RIC3: variants seen among roughly 807,000 people sequenced by gnomAD.
RIC3 encodes the protein protein RIC-3.
RIC3 carries 28 observed loss-of-function variants against 27.3 expected under a neutral mutation model. The ratio of observed to expected loss-of-function variants is 1.02; its 90% confidence interval spans 0.76 to 1.41. The LOEUF is 1.41. Among genes scored for constraint, RIC3 ranks in the 40% most tolerant of loss-of-function variants. The probability of loss-of-function intolerance (pLI) is 0.00; values close to 1 mark genes in which losing one functional copy is unlikely to be tolerated. For missense variants in RIC3, 501 were observed against 444.7 expected, an observed-to-expected ratio of 1.13 and a Z score of -1.14; for synonymous variants, 184 against 160.4, an observed-to-expected ratio of 1.15 and a Z score of -1.11.
chr11:8,119,142 C>A (rs761518547), intron 5 of RIC3, among the ~76,000 whole-genome samples: 7 of 152,126 alleles, frequency 4.6e-5, no homozygotes, highest in Non-Finnish European at 1.0e-4. Context: ...CTGAAGAAAG[C>A]CTTGAGTCTT....
At chr11:8,137,337 T>C (rs777297609) in intron 4 of RIC3, 41 bp downstream of exon 4, 1 of 1,573,522 alleles carries the variant, frequency 6.4e-7, no homozygotes, top group Admixed American at 1.7e-5. Context: ...ATTTATTTTC[T>C]AAATGAGAAA....
chr11:8,115,156 A>G (rs1945706025), intron 5 of RIC3, among the ~76,000 whole-genome samples: 1 of 152,170 alleles, frequency 6.6e-6, no homozygotes, highest in African/African-American at 2.4e-5. Flanking sequence ...TAATCAAACT[A>G]TCAAAAATCA....
At chr11:8,148,697 CAAGAA>C (rs1949951761) in intron 1 of RIC3, among the ~76,000 whole-genome samples, 1 of 151,986 alleles carries the variant, frequency 6.6e-6, no homozygotes, top group African/African-American at 2.4e-5. Context: ...CTGCCATATG[CAAGAA>C]AAGAAGAGAG....
intron 4 of RIC3, among the ~76,000 whole-genome samples, chr11:8,131,162 A>G (rs1947654808): frequency 6.6e-6 from 1 of 151,990 alleles, no homozygotes; most frequent in African/African-American, 2.4e-5. Flanking sequence ...TTCATCTAAC[A>G]CTTTTTTGGA....
At chr11:8,151,674 G>A (rs1170308825) in intron 1 of RIC3, among the ~76,000 whole-genome samples, 2 of 151,550 alleles carry the variant, frequency 1.3e-5, no homozygotes, top group African/African-American at 2.4e-5. Context: ...ATCACTTTGG[G>A]AGGCTGAGGT....
chr11:8,168,975 T>C lies in RIC3; in HGVS notation c.15A>G (p.Thr5=), dbSNP rs977572469. 1.6e-5 allele frequency: 26 copies of C among 1,599,434 alleles called. No homozygotes were observed. The highest frequency in any genetic ancestry group is 2.0e-5 in the Non-Finnish European group (24 of 1,174,054). The part of the protein sequence containing the change: MAYS[T]VQRVALASGL... ...CAGAAGCCAGAGCGACTCTCTGCAC[T>C]GTGGAGTACGCCATGACTGCTCACG... Residue 5 remains threonine (T), a synonymous_variant, in exon 1 of 6, where the codon ACA becomes ACG. Coordinates refer to ENST00000309737, the MANE Select transcript of RIC3 (RefSeq NM_001206671.4).
At chr11:8,097,848 G>A in the RIC3 span, 8 of 1,600,736 alleles carry the variant, frequency 5.0e-6, no homozygotes, top group African/African-American at 9.4e-5. Flanking sequence ...CCCCCAGGAA[G>A]CAGGCGGGAG....
At chr11:8,138,490 T>TAAA (rs1948662938) in intron 2 of RIC3, 143 bp from the exon 3 acceptor site, 3 of 413,866 alleles carry the variant, frequency 7.2e-6, no homozygotes, top group Non-Finnish European at 8.4e-6. Flanking sequence ...GAGAAATAGC[T>TAAA]CAAAAAAAAA....
intron 1 of RIC3, among the ~76,000 whole-genome samples, chr11:8,165,783 T>G (rs1180547014): frequency 9.5e-6 from 1 of 105,340 alleles, no homozygotes; most frequent in East Asian, 2.8e-4. Flanking sequence ...TTTTGTTTTG[T>G]TTTGTTTTTT....
At chr11:8,140,702 A>G (rs980116729) in intron 1 of RIC3, among the ~76,000 whole-genome samples, 4 of 152,170 alleles carry the variant, frequency 2.6e-5, no homozygotes, top group African/African-American at 9.7e-5. Flanking sequence ...AGTCATCTGG[A>G]CCTGTCTGTA....
At chr11:8,128,751 T>A (rs1470464996) in intron 4 of RIC3, among the ~76,000 whole-genome samples, 2 of 98,680 alleles carry the variant, frequency 2.0e-5, no homozygotes, top group African/African-American at 4.3e-5. Flanking sequence ...TTGCAAAAAC[T>A]TTTTTTTTTT....
chr11:8,133,836 G>T (rs1221438964), intron 4 of RIC3, among the ~76,000 whole-genome samples: 1 of 152,148 alleles, frequency 6.6e-6, no homozygotes, highest in Non-Finnish European at 1.5e-5. Context: ...GGACTGAATG[G>T]TGGAGTAATT....
In RIC3 at chr11:8,106,714, C is replaced by G. The variant is rs1366857872; in HGVS notation, c.*3984G>C. 1.3e-5 allele frequency: 2 copies of G among 152,292 alleles called. No individual in the cohort carries two copies. The highest frequency in any genetic ancestry group is 6.5e-5 in the Admixed American group (1 of 15,292). The allele number at this position is 152,292 out of a possible 1,614,324, so 9.4% of individuals were successfully genotyped here. ...TTTTTTTGTTGCCGGGCAGCTGTGG[C>G]AGATTTGAAGGCAAAAGGAAGGGAG... On this transcript the variant is annotated 3_prime_UTR_variant, in exon 6 of 6. Coordinates refer to ENST00000309737, the MANE Select transcript of RIC3 (RefSeq NM_001206671.4).
intron 4 of RIC3, chr11:8,135,970 T>C (rs1414305694): frequency 3.3e-5 from 5 of 152,232 alleles, no homozygotes; most frequent in African/African-American, 1.2e-4. Context: ...TGGTCCTTAG[T>C]AATTGTTCAA....
intron 1 of RIC3, among the ~76,000 whole-genome samples, chr11:8,168,366 A>G (rs77097599): frequency 0.093 from 14,207 of 152,254 alleles, 684 homozygotes; most frequent in Middle Eastern, 0.15. Context: ...TAAAGGCACA[A>G]GAAGAGCCTG....
At chr11:8,097,145 A>G in the RIC3 span, 3 of 1,485,722 alleles carry the variant, frequency 2.0e-6, no homozygotes. Flanking sequence ...CCGCCACGTT[A>G]GGAGGCAGAT....
At chr11:8,121,441 C>T (rs541594691) in intron 5 of RIC3, among the ~76,000 whole-genome samples, 2 of 152,010 alleles carry the variant, frequency 1.3e-5, no homozygotes, top group Non-Finnish European at 2.9e-5. Context: ...ATCCACCAGG[C>T]GCAGTGGCTC....
the RIC3 span, among the ~76,000 whole-genome samples, chr11:8,093,382 T>C: frequency 9.2e-4 from 140 of 151,876 alleles, 2 homozygotes; most frequent in African/African-American, 3.3e-3. Context: ...TATGTGTTTA[T>C]TTTAGACCTA....
downstream of RIC3, chr11:8,105,886 A>G (rs1231247903): frequency 6.6e-6 from 1 of 152,192 alleles, no homozygotes; most frequent in Non-Finnish European, 1.5e-5. Flanking sequence ...TGGCTAGGAA[A>G]GGGAAGCCTG....
Sources: allele counts gnomAD v4.1 joint callset (sites outside exome capture counted in the v4.1 genomes callset), GRCh38; gene constraint gnomAD v4.1.1; transcripts MANE v1.5; gene names NCBI Gene and HGNC (gene_info 2026-07-23, HGNC 2026-07-21).